Variants in NELL1 observed in about 807,000 individuals in gnomAD.
The protein encoded by NELL1 is protein kinase C-binding protein NELL1.
Under a neutral mutation model 107.4 loss-of-function variants are expected in NELL1, and 76 were observed. The observed-to-expected ratio is 0.71, with a 90% CI of 0.59 to 0.86. NELL1 has a LOEUF of 0.86. Ranked by LOEUF, NELL1 falls within the 40% of genes least tolerant of loss-of-function variation. The pLI is 0.00. For missense variants in NELL1, 1,024 were observed against 1,005.5 expected, an observed-to-expected ratio of 1.02 and a Z score of -0.25; for synonymous variants, 353 against 341.2, an observed-to-expected ratio of 1.03 and a Z score of -0.38.
intron 13 of NELL1, among the ~76,000 whole-genome samples, chr11:21,192,140 G>A (rs1857063315): frequency 6.6e-6 from 1 of 151,782 alleles, no homozygotes; most frequent in Admixed American, 6.6e-5. Flanking sequence ...TCATATGGCA[G>A]GGATGTGTGT....
intron 13 of NELL1, among the ~76,000 whole-genome samples, chr11:21,201,370 G>T (rs1045404023): frequency 6.6e-6 from 1 of 152,036 alleles, no homozygotes; most frequent in Non-Finnish European, 1.5e-5. Flanking sequence ...GTATTCCTAG[G>T]TATTTTATTC....
At chr11:20,951,527 C>T (rs970464782) in intron 11 of NELL1, among the ~76,000 whole-genome samples, 1 of 152,122 alleles carries the variant, frequency 6.6e-6, no homozygotes, top group Non-Finnish European at 1.5e-5. Flanking sequence ...GGCTCAGATA[C>T]CTTGCCTCTT....
intron 15 of NELL1, among the ~76,000 whole-genome samples, chr11:21,461,432 C>A (rs926528597): frequency 1.6e-4 from 25 of 152,060 alleles, no homozygotes; most frequent in Admixed American, 4.6e-4. Flanking sequence ...TATGCCAGGT[C>A]TTTCTCCCCT....
At chr11:20,837,097 T>G (rs574942837) in intron 3 of NELL1, among the ~76,000 whole-genome samples, 32 of 152,244 alleles carry the variant, frequency 2.1e-4, no homozygotes, top group African/African-American at 7.7e-4. Flanking sequence ...CTTTGGAAAT[T>G]AATGGCGTAT....
chr11:21,145,979 T>A (rs1855969502), intron 13 of NELL1, among the ~76,000 whole-genome samples: 1 of 152,198 alleles, frequency 6.6e-6, no homozygotes, highest in South Asian at 2.1e-4. Flanking sequence ...GACGTATTGG[T>A]TGAGAGACTG....
rs146721239 is a variant in NELL1 at position 21,018,129 on chromosome 11, A to G, written c.1300+57569A>G. On this transcript the variant is annotated intron_variant, in intron 12 of 19. Coordinates refer to ENST00000357134, the MANE Select transcript of NELL1 (RefSeq NM_006157.5). ...GCCTTATTTATCAGGCTTGATTGAC[A>G]TATTCAATTACATATTTGTGTATTT... 6.6e-5 allele frequency among the ~76,000 whole-genome samples: 10 copies of G among 152,242 alleles called. No individual in the cohort carries two copies. In the East Asian group the frequency reaches 1.2e-3, roughly 18 times the overall value.
chr11:21,376,800 G>A (rs1359651209), intron 15 of NELL1, among the ~76,000 whole-genome samples: 1 of 151,606 alleles, frequency 6.6e-6, no homozygotes, highest in Non-Finnish European at 1.5e-5. Context: ...GTATATTTTT[G>A]TGTGGCTATT....
intron 14 of NELL1, among the ~76,000 whole-genome samples, chr11:21,266,542 A>G (rs1039698138): frequency 6.6e-6 from 1 of 151,816 alleles, no homozygotes; most frequent in South Asian, 2.1e-4. Flanking sequence ...TGACACGTTG[A>G]CCCTTTATCC....
In NELL1 at chr11:21,038,684, G is replaced by A. The variant is rs143655424; in HGVS notation, c.1301-74905G>A. 7.7e-4 allele frequency among the ~76,000 whole-genome samples: 117 copies of A among 152,224 alleles called. 2 individuals are homozygous for A. Among genetic ancestry groups the A allele is most frequent in the African/African-American group, 2.7e-3 (113 of 41,542 alleles). On this transcript the variant is annotated intron_variant, in intron 12 of 19. Transcript: ENST00000357134. The stretch of plus-strand genomic sequence containing the variant: ...TTATTTTCTCCATTGCATTTATCAT[G>A]ATCTGAACACACTGAGATATAATTT...
intron 13 of NELL1, among the ~76,000 whole-genome samples, chr11:21,172,555 A>T (rs1315524291): frequency 6.6e-6 from 1 of 151,654 alleles, no homozygotes; most frequent in Admixed American, 6.6e-5. Flanking sequence ...TCCCCAAAAT[A>T]GTTTTGTTTA....
At chr11:20,915,505 A>G (rs1850225394) in intron 5 of NELL1, among the ~76,000 whole-genome samples, 1 of 146,306 alleles carries the variant, frequency 6.8e-6, no homozygotes, top group South Asian at 2.2e-4. Context: ...AATAAAGCAT[A>G]TGTCTGAAAA....
At chr11:21,132,745 C>T (rs1241331195) in intron 13 of NELL1, among the ~76,000 whole-genome samples, 1 of 150,142 alleles carries the variant, frequency 6.7e-6, no homozygotes, top group African/African-American at 2.5e-5. Flanking sequence ...GGTCGAAGCT[C>T]TTCTTTCCTT....
intron 2 of NELL1, among the ~76,000 whole-genome samples, chr11:20,734,941 G>T (rs1446579932): frequency 6.6e-6 from 1 of 152,102 alleles, no homozygotes; most frequent in South Asian, 2.1e-4. Flanking sequence ...AACTTTGGGG[G>T]TGGGGTCTAG....
chr11:21,337,732 T>TTTCCTTTCTTTC (rs1565175124), intron 14 of NELL1, among the ~76,000 whole-genome samples: 28 of 146,530 alleles, frequency 1.9e-4, no homozygotes, highest in African/African-American at 6.8e-4. Flanking sequence ...CTTTTCTTTC[T>TTTCCTTTCTTTC]TTCCTTTCTT....
chr11:21,437,422 C>T lies in NELL1; in HGVS notation c.1645+66474C>T, dbSNP rs775802562. ...TTACCCAGGCTGGAGTGCAATGGTG[C>T]GATCTCGGCTCACCGCAACCTCCGC... is the stretch of plus-strand genomic sequence containing the variant. On this transcript the variant is annotated intron_variant, in intron 15 of 19. Coordinates refer to ENST00000357134, the MANE Select transcript of NELL1 (RefSeq NM_006157.5). Among the ~76,000 whole-genome samples, 14 of 152,174 alleles carry T rather than the reference C, an allele frequency of 9.2e-5. No homozygotes were observed. The South Asian group carries it at 1.0e-3, about 11-fold the overall frequency.
At chr11:20,958,475 A>G (rs1023502695) in intron 11 of NELL1, among the ~76,000 whole-genome samples, 4 of 152,208 alleles carry the variant, frequency 2.6e-5, no homozygotes, top group Non-Finnish European at 5.9e-5. Context: ...ATCCACAGAG[A>G]AAGGGGTTGC....
chr11:21,119,216 T>C (rs1173573651), intron 13 of NELL1, among the ~76,000 whole-genome samples: 1 of 151,972 alleles, frequency 6.6e-6, no homozygotes, highest in Non-Finnish European at 1.5e-5. Context: ...TGACAAGTTT[T>C]AAAGAAGGAA....
intron 14 of NELL1, among the ~76,000 whole-genome samples, chr11:21,275,751 C>T (rs549501782): frequency 6.6e-6 from 1 of 152,264 alleles, no homozygotes; most frequent in South Asian, 2.1e-4. Context: ...TCAACATACG[C>T]AAATCAATAA....
At chr11:21,300,941 T>C (rs1366443346) in intron 14 of NELL1, among the ~76,000 whole-genome samples, 2 of 152,110 alleles carry the variant, frequency 1.3e-5, no homozygotes. Flanking sequence ...TTCCCCATCC[T>C]GTGTCCAAGT....
Sources: gnomAD v4.1 joint callset for allele counts (sites outside exome capture counted in the v4.1 genomes callset) on GRCh38, gnomAD v4.1.1 for gene constraint, MANE v1.5 for transcripts, NCBI Gene and HGNC (gene_info 2026-07-23, HGNC 2026-07-21) for gene names.